PLCE1: variants seen among roughly 807,000 people sequenced by gnomAD.
The protein encoded by PLCE1 is 1-phosphatidylinositol 4,5-bisphosphate phosphodiesterase epsilon-1.
PLCE1 carries 119 observed loss-of-function variants against 242.8 expected under a neutral mutation model. That is an observed-to-expected ratio of 0.49 (90% CI 0.42 to 0.57). The LOEUF (loss-of-function observed/expected upper bound fraction) is 0.57. Among genes scored for constraint, PLCE1 ranks in the 20% least tolerant of loss-of-function variants. The pLI, the probability that PLCE1 is intolerant of heterozygous loss-of-function variation, is 0.00. For missense variants in PLCE1, 2,441 were observed against 2,788.8 expected (o/e 0.88, Z 2.81); for synonymous variants, 945 against 1,017.4 (o/e 0.93, Z 1.35).
intron 2 of PLCE1, among the ~76,000 whole-genome samples, chr10:94,033,071 A>G (rs1296420736): frequency 1.3e-5 from 2 of 152,088 alleles, no homozygotes; most frequent in Non-Finnish European, 2.9e-5. Context: ...AATCTAGAGA[A>G]GATTTAAAGT....
At chr10:93,996,812 A>C (rs2060833456) in intron 1 of PLCE1, among the ~76,000 whole-genome samples, 1 of 152,242 alleles carries the variant, frequency 6.6e-6, no homozygotes, top group Non-Finnish European at 1.5e-5. Flanking sequence ...AGTTAAATGA[A>C]ATTAACCACC....
At chr10:94,099,833 G>A (rs2045456952) in intron 2 of PLCE1, 1 of 152,170 alleles carries the variant, frequency 6.6e-6, no homozygotes, top group South Asian at 2.1e-4. Context: ...GGAGATAAAA[G>A]CACATTCTAG....
At chr10:94,085,614 A>G (rs1053137073) in intron 2 of PLCE1, among the ~76,000 whole-genome samples, 1 of 152,214 alleles carries the variant, frequency 6.6e-6, no homozygotes, top group Non-Finnish European at 1.5e-5. Flanking sequence ...TTGTAGAAAC[A>G]TTCCCCAGCG....
chr10:94,028,744 T>A (rs1243156579), intron 1 of PLCE1, among the ~76,000 whole-genome samples: 1 of 152,016 alleles, frequency 6.6e-6, no homozygotes, highest in Non-Finnish European at 1.5e-5. Flanking sequence ...AGCCCAGAAA[T>A]TCAAGACCAG....
intron 4 of PLCE1, among the ~76,000 whole-genome samples, chr10:94,194,338 AAG>A (rs2048756120): frequency 6.6e-6 from 1 of 152,304 alleles, no homozygotes; most frequent in African/African-American, 2.4e-5. Context: ...TGGTAATACT[AAG>A]AGACAGCCCT....
At chr10:94,119,282 G>T (rs2046233075) in intron 2 of PLCE1, among the ~76,000 whole-genome samples, 3 of 152,024 alleles carry the variant, frequency 2.0e-5, no homozygotes, top group Admixed American at 6.6e-5. Flanking sequence ...CTTGTTTGAG[G>T]TTATATCTTC....
chr10:94,146,699 G>A (rs1248048956), intron 3 of PLCE1, among the ~76,000 whole-genome samples: 35 of 152,214 alleles, frequency 2.3e-4, no homozygotes, highest in Non-Finnish European at 1.0e-4. Context: ...GGCCTCAAGG[G>A]TCTTCGAGTG....
chr10:94,284,040 A>C, intron 21 of PLCE1, 129 bp downstream of exon 21: 1 of 1,091,544 alleles, frequency 9.2e-7, no homozygotes, highest in Non-Finnish European at 1.4e-6. Context: ...ATACCTGCCA[A>C]AGTTCACTTG....
At chr10:94,062,980 A>G (rs1027261407) in intron 2 of PLCE1, among the ~76,000 whole-genome samples, 4 of 151,742 alleles carry the variant, frequency 2.6e-5, no homozygotes, top group African/African-American at 9.7e-5. Context: ...ACTGGCACTC[A>G]CCTTCCATTG....
At chr10:94,277,551 G>A (rs555770988) in intron 19 of PLCE1, among the ~76,000 whole-genome samples, 2 of 152,244 alleles carry the variant, frequency 1.3e-5, no homozygotes, top group South Asian at 4.2e-4. Context: ...GGTTCTTTGA[G>A]CAGTGTCCTT....
intron 4 of PLCE1, among the ~76,000 whole-genome samples, chr10:94,189,818 T>C (rs1018827936): frequency 7.9e-5 from 12 of 152,192 alleles, no homozygotes; most frequent in African/African-American, 2.9e-4. Flanking sequence ...CATGACATCA[T>C]TTTGGGTTAC....
intron 11 of PLCE1, among the ~76,000 whole-genome samples, chr10:94,256,338 A>AAAAGAAAG (rs1290627133): frequency 1.4e-5 from 2 of 140,440 alleles, no homozygotes; most frequent in African/African-American, 5.5e-5. Context: ...AAAAAAAAAA[A>AAAAGAAAG]AAAGAAAGAA....
chr10:93,998,497 T>C (rs1293597820), intron 1 of PLCE1, among the ~76,000 whole-genome samples: 2 of 152,190 alleles, frequency 1.3e-5, no homozygotes, highest in Non-Finnish European at 2.9e-5. Flanking sequence ...TTCTCTAGAA[T>C]CAAATTTCCC....
At chr10:94,288,049 A>G (rs1008374030) in intron 22 of PLCE1, among the ~76,000 whole-genome samples, 3 of 152,176 alleles carry the variant, frequency 2.0e-5, no homozygotes, top group African/African-American at 4.8e-5. Context: ...GTTGTTCCAC[A>G]GTTAGGAGTG....
At chr10:94,208,567 A>G (rs1014684967) in intron 4 of PLCE1, among the ~76,000 whole-genome samples, 1 of 152,210 alleles carries the variant, frequency 6.6e-6, no homozygotes, top group East Asian at 1.9e-4. Context: ...CATAATCTGC[A>G]TTTTAATAAG....
chr10:94,194,289 A>G (rs1429133907), intron 4 of PLCE1, among the ~76,000 whole-genome samples: 2 of 152,340 alleles, frequency 1.3e-5, no homozygotes, highest in Admixed American at 6.5e-5. Flanking sequence ...AAATGGTTAC[A>G]TTCATTCATT....
In PLCE1 at chr10:94,216,548, G is replaced by C. The variant is rs117590327; in HGVS notation, c.1810-10758G>C. On this transcript the variant is annotated intron_variant, in intron 4 of 32. Transcript: ENST00000371380. ...CAGAGGTGGCAGCAGCTTGGGGTGAGGTTTACTAGGGGGTATACCCTGACT... is the reference window on the plus strand; with the variant it reads ...CAGAGGTGGCAGCAGCTTGGGGTGACGTTTACTAGGGGGTATACCCTGACT... Among the ~76,000 whole-genome samples the C allele has an allele frequency of 1.8e-3, 277 of 152,236 alleles. 1 individual carries two copies. Among genetic ancestry groups the C allele is most frequent in the Admixed American group, 3.5e-3 (53 of 15,292 alleles).
chr10:94,161,683 C>G (rs1023558187), intron 3 of PLCE1, among the ~76,000 whole-genome samples: 12 of 152,152 alleles, frequency 7.9e-5, no homozygotes, highest in African/African-American at 2.9e-4. Flanking sequence ...CCAGAACTTC[C>G]AACACTATTT....
intron 2 of PLCE1, among the ~76,000 whole-genome samples, chr10:94,114,197 C>T (rs992747568): frequency 2.0e-5 from 3 of 152,164 alleles, no homozygotes; most frequent in African/African-American, 7.2e-5. Flanking sequence ...TGGCATCAAA[C>T]CTGGACTAGA....
Sources: gnomAD v4.1 joint callset for allele counts (sites outside exome capture counted in the v4.1 genomes callset) on GRCh38, gnomAD v4.1.1 for gene constraint, MANE v1.5 for transcripts, NCBI Gene and HGNC (gene_info 2026-07-23, HGNC 2026-07-21) for gene names.